The following CFAP57 variants were observed in gnomAD, a reference collection of about 807,000 sequenced individuals.
CFAP57 encodes cilia- and flagella-associated protein 57.
A neutral mutation model predicts 146.8 loss-of-function variants in CFAP57; 116 were observed. The ratio of observed to expected loss-of-function variants is 0.79; its 90% CI spans 0.68 to 0.92. The LOEUF (loss-of-function observed/expected upper bound fraction) is 0.92. CFAP57 is among the 40% of genes least tolerant of loss of function. The probability of loss-of-function intolerance (pLI) is 0.00; values close to 1 mark genes in which losing one functional copy is unlikely to be tolerated. For synonymous variants in CFAP57, 518 were observed against 552.8 expected (o/e 0.94, Z 0.88); for missense variants, 1,377 against 1,527.2 (o/e 0.90, Z 1.64).
chr1:43,212,827 G>T (rs960428543), intron 11 of CFAP57, among the ~76,000 whole-genome samples: 1 of 151,482 alleles, frequency 6.6e-6, no homozygotes, highest in Non-Finnish European at 1.5e-5. Context: ...CCAGCTACTC[G>T]AGAGGCTGAG....
rs574245348 is a variant in CFAP57 at position 43,192,484 on chromosome 1, G to A, written c.1123-5069G>A. On this transcript the variant is annotated intron_variant, in intron 6 of 22. Coordinates refer to ENST00000372492, the MANE Select transcript of CFAP57 (RefSeq NM_001378189.1). ...TAAAAAAATACAAAATTAGCCAGGC[G>A]TGGTGGCGCATGCCTATAATCCCAG... Among the ~76,000 whole-genome samples, 15 of 152,270 alleles carry A rather than the reference G, an allele frequency of 9.9e-5. No homozygotes were observed. In the South Asian group the frequency reaches 1.0e-3, roughly 11 times the overall value.
At chr1:43,241,182 CA>C (rs1221280154) in intron 21 of CFAP57, among the ~76,000 whole-genome samples, 2 of 152,150 alleles carry the variant, frequency 1.3e-5, no homozygotes, top group African/African-American at 2.4e-5. Flanking sequence ...ACGAATAGAA[CA>C]AGCACTCATT....
chr1:43,252,397 T>C (rs1416715190), intron 22 of CFAP57, among the ~76,000 whole-genome samples: 3 of 152,084 alleles, frequency 2.0e-5, no homozygotes, highest in Admixed American at 1.3e-4. Flanking sequence ...TTGCATTCAA[T>C]TTGTGGCTTA....
chr1:43,240,403 A>T (rs937867098), intron 21 of CFAP57, among the ~76,000 whole-genome samples: 4 of 152,138 alleles, frequency 2.6e-5, no homozygotes, highest in Admixed American at 1.3e-4. Flanking sequence ...ATTCTCAGGG[A>T]CACCTGCTCC....
intron 12 of CFAP57, among the ~76,000 whole-genome samples, chr1:43,218,472 G>A (rs1570174750): frequency 6.6e-6 from 1 of 152,008 alleles, no homozygotes; most frequent in Non-Finnish European, 1.5e-5. Flanking sequence ...GCCAGGTGTG[G>A]TGGGGCATGC....
intron 17 of CFAP57, among the ~76,000 whole-genome samples, chr1:43,224,845 G>GT (rs1557803768): frequency 6.6e-6 from 1 of 152,168 alleles, no homozygotes; most frequent in African/African-American, 2.4e-5. Context: ...GGCCAAGGAC[G>GT]TGGGCTTCAG....
Position 43,215,355 on chromosome 1 carries a change from G to GA in CFAP57, c.2031dup (p.Glu678ArgfsTer14). 1 of 1,551,204 alleles carries GA rather than the reference G, an allele frequency of 6.4e-7. No homozygotes were observed. Among genetic ancestry groups the GA allele is most frequent in the Non-Finnish European group, 8.7e-7 (1 of 1,147,122 alleles). ...GATAAGGATGGCCGGGGAATCAAGC[G>GA]AGAGAGGGAGGTGGGCTTTGCCGAA... On this transcript the variant is annotated frameshift_variant, in exon 12 of 23. Coordinates refer to ENST00000372492, the MANE Select transcript of CFAP57 (RefSeq NM_001378189.1). LOFTEE classifies it high-confidence loss of function.
intron 21 of CFAP57, among the ~76,000 whole-genome samples, chr1:43,237,786 G>C (rs1645759812): frequency 6.6e-6 from 1 of 152,190 alleles, no homozygotes; most frequent in African/African-American, 2.4e-5. Flanking sequence ...GTTGGTGGCT[G>C]AGGGTCATGT....
chr1:43,224,273 G>A, intron 17 of CFAP57, 69 bp downstream of exon 17: 1 of 1,440,704 alleles, frequency 6.9e-7, no homozygotes, highest in Non-Finnish European at 9.1e-7. Context: ...CAAAGCTCAG[G>A]GGAGAGAGGG....
intron 9 of CFAP57, among the ~76,000 whole-genome samples, chr1:43,202,931 T>G (rs1644195224): frequency 2.0e-5 from 3 of 152,162 alleles, no homozygotes; most frequent in Non-Finnish European, 2.9e-5. Context: ...CCCAGCACTT[T>G]GGGAGGCTGA....
intron 6 of CFAP57, among the ~76,000 whole-genome samples, chr1:43,193,058 C>T (rs1262511890): frequency 6.6e-6 from 1 of 152,190 alleles, no homozygotes; most frequent in Non-Finnish European, 1.5e-5. Context: ...TTTAGGTGCA[C>T]ATATCTTTAC....
chr1:43,177,385 T>C (rs1007361220), intron 2 of CFAP57, among the ~76,000 whole-genome samples: 5 of 152,162 alleles, frequency 3.3e-5, no homozygotes, highest in African/African-American at 1.2e-4. Flanking sequence ...TTGATTGTGA[T>C]AGAAAGGGCT....
chr1:43,220,304 A>G (rs956898764), intron 13 of CFAP57, among the ~76,000 whole-genome samples: 1 of 152,256 alleles, frequency 6.6e-6, no homozygotes, highest in Non-Finnish European at 1.5e-5. Flanking sequence ...GAGAATAACT[A>G]GCAGAATACT....
At chr1:43,253,868 C>A in intron 22 of CFAP57, 109 bp from the exon 23 acceptor site, 1 of 981,984 alleles carries the variant, frequency 1.0e-6, no homozygotes, top group Admixed American at 2.2e-5. Flanking sequence ...TTGAGTGCTC[C>A]ACAGTAGGTG....
At chr1:43,198,995 G>A (rs1643990378) in intron 8 of CFAP57, among the ~76,000 whole-genome samples, 1 of 152,200 alleles carries the variant, frequency 6.6e-6, no homozygotes, top group South Asian at 2.1e-4. Flanking sequence ...GGTTGGAGAC[G>A]GAGGAGCCAG....
At chr1:43,214,817 A>G (rs1644771990) in intron 11 of CFAP57, among the ~76,000 whole-genome samples, 1 of 152,058 alleles carries the variant, frequency 6.6e-6, no homozygotes, top group African/African-American at 2.4e-5. Flanking sequence ...TAGCTGTTCT[A>G]ATGGGTGTGT....
At chr1:43,174,167 T>C (rs759471115) in intron 2 of CFAP57, among the ~76,000 whole-genome samples, 2 of 151,834 alleles carry the variant, frequency 1.3e-5, no homozygotes, top group Non-Finnish European at 2.9e-5. Context: ...TATCAATAAT[T>C]TGTCAGATAT....
intron 8 of CFAP57, 78 bp from the exon 9 acceptor site, chr1:43,199,312 A>G (rs1339606125): frequency 2.8e-6 from 4 of 1,413,322 alleles, no homozygotes; most frequent in Non-Finnish European, 4.0e-6. Flanking sequence ...CTCGTTGGGA[A>G]AAGCACCTCT....
chr1:43,174,200 T>A (rs765064656), intron 2 of CFAP57, among the ~76,000 whole-genome samples: 1 of 152,206 alleles, frequency 6.6e-6, no homozygotes, highest in Non-Finnish European at 1.5e-5. Context: ...TGCAAATAAT[T>A]TCTTTCAGTT....
Sources: allele counts gnomAD v4.1 joint callset (sites outside exome capture counted in the v4.1 genomes callset), GRCh38; gene constraint gnomAD v4.1.1; transcripts MANE v1.5; gene names NCBI Gene and HGNC (gene_info 2026-07-23, HGNC 2026-07-21).